Variants in CSMD1 observed in about 807,000 individuals in gnomAD.
CSMD1 encodes the protein CUB and Sushi multiple domains 1, also known as CUB and sushi domain-containing protein 1.
CSMD1 carries 213 observed loss-of-function variants against 417.5 expected under a neutral mutation model. The observed-to-expected ratio is 0.51, with a 90% CI of 0.46 to 0.57. The LOEUF (loss-of-function observed/expected upper bound fraction) is 0.57, where lower values mean the gene tolerates loss of function less well. Ranked by LOEUF, CSMD1 falls within the 20% of genes least tolerant of loss-of-function variation. The pLI, the probability that CSMD1 is intolerant of heterozygous loss-of-function variation, is 0.00. For synonymous variants in CSMD1, 2,862 were observed against 1,736.8 expected, an observed-to-expected ratio of 1.65 and a Z score of -16.11; for missense variants, 6,923 against 4,529.7, an observed-to-expected ratio of 1.53 and a Z score of -15.17.
chr8:3,589,187 T>G (rs1056338660), intron 8 of CSMD1, among the ~76,000 whole-genome samples: 2 of 152,144 alleles, frequency 1.3e-5, no homozygotes, highest in African/African-American at 4.8e-5. Context: ...TAGGGGTTGC[T>G]GAAAAAATTA....
chr8:3,060,417 G>A (rs1438426931), intron 49 of CSMD1, among the ~76,000 whole-genome samples: 4 of 151,968 alleles, frequency 2.6e-5, no homozygotes, highest in African/African-American at 9.7e-5. Flanking sequence ...TTGAACTCCT[G>A]AACTCAAGTG....
intron 2 of CSMD1, among the ~76,000 whole-genome samples, chr8:4,543,486 C>A (rs1797490622): frequency 6.6e-6 from 1 of 151,950 alleles, no homozygotes. Context: ...TCCCTTTAGC[C>A]CTGAATAATT....
chr8:3,331,237 C>CAAAAAAAAAAAAA (rs112278319), intron 23 of CSMD1, among the ~76,000 whole-genome samples: 9 of 128,522 alleles, frequency 7.0e-5, no homozygotes, highest in African/African-American at 2.9e-4. Flanking sequence ...GACTCCGTCT[C>CAAAAAAAAAAAAA]AAAAAAAAAA....
intron 2 of CSMD1, among the ~76,000 whole-genome samples, chr8:4,592,203 G>T (rs1437264660): frequency 1.3e-5 from 2 of 151,260 alleles, no homozygotes; most frequent in African/African-American, 2.4e-5. Context: ...CTCCCAACAA[G>T]AATCTTCCTT....
At chr8:3,759,962 T>C (rs926136612) in intron 5 of CSMD1, among the ~76,000 whole-genome samples, 1 of 149,312 alleles carries the variant, frequency 6.7e-6, no homozygotes, top group Non-Finnish European at 1.5e-5. Flanking sequence ...GATCAACCAA[T>C]GTCTTCCCGC....
chr8:3,234,522 G>C (rs189763256), intron 26 of CSMD1, among the ~76,000 whole-genome samples: 4 of 152,252 alleles, frequency 2.6e-5, no homozygotes, highest in Admixed American at 6.5e-5. Context: ...TTTCGGAGTA[G>C]GTTTTTCAAT....
intron 6 of CSMD1, among the ~76,000 whole-genome samples, chr8:3,746,085 A>T (rs1467880649): frequency 7.3e-6 from 1 of 136,474 alleles, no homozygotes; most frequent in Non-Finnish European, 1.5e-5. Context: ...TTTAGCAAAT[A>T]AACATGAAAC....
chr8:3,785,603 T>G (rs1399274086), intron 5 of CSMD1, among the ~76,000 whole-genome samples: 5 of 152,194 alleles, frequency 3.3e-5, no homozygotes, highest in Non-Finnish European at 2.9e-5. Flanking sequence ...TTTGATCTCA[T>G]TTATAAGATG....
intron 3 of CSMD1, among the ~76,000 whole-genome samples, chr8:4,069,132 T>A (rs1372253884): frequency 1.3e-5 from 2 of 152,192 alleles, no homozygotes; most frequent in Non-Finnish European, 2.9e-5. Flanking sequence ...AATACTACAA[T>A]ATTGTTCATA....
chr8:4,297,089 G>A (rs1563409130), intron 3 of CSMD1, among the ~76,000 whole-genome samples: 1 of 676 alleles, frequency 1.5e-3, no homozygotes, highest in South Asian at 0.17. Flanking sequence ...AGAGCTTGGG[G>A]AGACTCTAGA....
intron 26 of CSMD1, among the ~76,000 whole-genome samples, chr8:3,250,893 C>T (rs1016335055): frequency 2.6e-5 from 4 of 152,198 alleles, no homozygotes; most frequent in Admixed American, 6.5e-5. Flanking sequence ...ACCCCTCACC[C>T]ACTTGTTGAT....
chr8:3,320,736 C>T (rs965799896), intron 23 of CSMD1, among the ~76,000 whole-genome samples: 2 of 152,138 alleles, frequency 1.3e-5, no homozygotes, highest in African/African-American at 2.4e-5. Flanking sequence ...CATCCATCAG[C>T]CTAACTGTGG....
chr8:4,365,428 A>G (rs538665625), intron 3 of CSMD1, among the ~76,000 whole-genome samples: 1 of 152,210 alleles, frequency 6.6e-6, no homozygotes, highest in Non-Finnish European at 1.5e-5. Flanking sequence ...CTCTGGGGAA[A>G]AATAAAAGAC....
At chr8:3,123,270 G>A (rs1321356592) in intron 41 of CSMD1, among the ~76,000 whole-genome samples, 1 of 152,050 alleles carries the variant, frequency 6.6e-6, no homozygotes, top group East Asian at 1.9e-4. Context: ...CAAGGCCACC[G>A]CTGCCTCTGC....
In CSMD1 at chr8:4,000,100, G is replaced by GC. The variant is rs747665333; in HGVS notation, c.611-1991dup. Reference sequence around the variant, plus strand: ...GTGCCCACTACCAAATGTCTGTCCTGCCCCCCGCCCTCCGTGGGCACCACT... The same window carrying GC: ...GTGCCCACTACCAAATGTCTGTCCTGCCCCCCCGCCCTCCGTGGGCACCACT... On this transcript the variant is annotated intron_variant, in intron 4 of 69. Coordinates refer to ENST00000635120, the MANE Select transcript of CSMD1 (RefSeq NM_033225.6). 3.3e-5 allele frequency among the ~76,000 whole-genome samples: 5 copies of GC among 152,314 alleles called. No individual in the cohort carries two copies. In the East Asian group the frequency reaches 7.7e-4, roughly 24 times the overall value.
intron 1 of CSMD1, among the ~76,000 whole-genome samples, chr8:4,665,357 A>T (rs928786387): frequency 1.3e-5 from 2 of 152,196 alleles, no homozygotes; most frequent in Non-Finnish European, 2.9e-5. Flanking sequence ...AATTTCCAAA[A>T]AGTAAACCAC....
intron 23 of CSMD1, among the ~76,000 whole-genome samples, chr8:3,342,722 C>A (rs944084867): frequency 2.0e-5 from 3 of 152,130 alleles, no homozygotes; most frequent in African/African-American, 7.2e-5. Flanking sequence ...CAGCTTCAAT[C>A]CTGGCTCCAC....
At position 3,735,294 on chromosome 8, in the gene CSMD1, G is replaced by A. The variant is rs144607660; in HGVS notation, c.931+18636C>T. Among the ~76,000 whole-genome samples, 577 of 142,880 alleles carry A rather than the reference G, an allele frequency of 4.0e-3. 5 individuals carry two copies. Among genetic ancestry groups the A allele is most frequent in the African/African-American group, 0.014 (554 of 40,088 alleles). The allele number at this position is 142,880 out of a possible 152,430, so 93.7% of individuals were successfully genotyped here. On this transcript the variant is annotated intron_variant, in intron 6 of 69. Transcript: ENST00000635120. ...AAAACTTGGCTTATACATCATATAT[G>A]GCAAGATAAAAAACAAACAAAACAC...
At chr8:4,466,013 T>C (rs1190824947) in intron 2 of CSMD1, among the ~76,000 whole-genome samples, 1 of 152,202 alleles carries the variant, frequency 6.6e-6, no homozygotes. Flanking sequence ...AGATGTGCAA[T>C]CACATTTGGA....
Sources: gnomAD v4.1 joint callset for allele counts (sites outside exome capture counted in the v4.1 genomes callset) on GRCh38, gnomAD v4.1.1 for gene constraint, MANE v1.5 for transcripts, NCBI Gene and HGNC (gene_info 2026-07-23, HGNC 2026-07-21) for gene names.